The following NFYC variants were observed in gnomAD, a reference collection of about 807,000 sequenced individuals.
The protein encoded by NFYC is nuclear transcription factor Y subunit gamma.
NFYC carries 25 observed loss-of-function variants against 53.1 expected under a neutral mutation model. That is an observed-to-expected ratio of 0.47 (90% CI 0.34 to 0.66). The LOEUF (loss-of-function observed/expected upper bound fraction) is 0.66, where lower values mean the gene tolerates loss of function less well. NFYC is among the 30% of genes least tolerant of loss of function. The probability of loss-of-function intolerance (pLI) is 0.01; values close to 1 mark genes in which losing one functional copy is unlikely to be tolerated. For synonymous variants in NFYC, 145 were observed against 152.6 expected (o/e 0.95, Z 0.37); for missense variants, 260 against 422.7 (o/e 0.62, Z 3.38).
At chr1:40,757,951 T>G in intron 5 of NFYC, 170 bp from the exon 6 acceptor site, 1 of 668,816 alleles carries the variant, frequency 1.5e-6, no homozygotes, top group Non-Finnish European at 2.5e-6. Flanking sequence ...TTAGTTTGAT[T>G]TAGCATAACT....
intron 1 of NFYC, among the ~76,000 whole-genome samples, chr1:40,701,141 G>T (rs142961667): frequency 1.3e-5 from 2 of 152,238 alleles, no homozygotes; most frequent in Admixed American, 6.5e-5. Context: ...CTGTCACCCA[G>T]GCTGGAGTGC....
chr1:40,770,722 T>C lies in NFYC; in HGVS notation c.902T>C (p.Ile301Thr). 6.2e-7 allele frequency: 1 copy of C among 1,614,060 alleles called. No homozygotes were observed. The highest frequency in any genetic ancestry group is 8.5e-7 in the Non-Finnish European group (1 of 1,180,028). ...CACCCCTCGCAGCAGCTCTACCAGA[T>C]CCAGCAAGTCACCATGCCTGCGGGC... The part of the protein sequence containing the change: ...QFTDGQQLYQ[I>T]QQVTMPAGQD... The change falls in exon 10 of 10, where the codon ATC becomes ACC. Residue 301 changes from isoleucine (I) to threonine (T), a missense_variant. Physicochemically the swap from Ile to Thr is moderately conservative, Grantham distance 89 (BLOSUM62 -1). Transcript: ENST00000447388. This position sits in a 1 kb window ranked among gnomAD's most constrained non-coding sequence, Gnocchi z 5.3.
chr1:40,702,967 C>T (rs1383320505), intron 1 of NFYC, among the ~76,000 whole-genome samples: 1 of 152,080 alleles, frequency 6.6e-6, no homozygotes, highest in Non-Finnish European at 1.5e-5. Flanking sequence ...CAGGCATGTA[C>T]CAGCACGCCC....
chr1:40,738,926 A>G lies in NFYC; in HGVS notation c.83A>G (p.Glu28Gly). 1 of 1,613,696 alleles carries G rather than the reference A, an allele frequency of 6.2e-7. No homozygotes were observed. Among genetic ancestry groups the G allele is most frequent in the Non-Finnish European group, 8.5e-7 (1 of 1,179,566 alleles). ...CAGTCGTTCTGGCCTCGGGTCATGGAAGAAATCCGGAATTTAACAGTGGTG... is the reference window on the plus strand; with the variant it reads ...CAGTCGTTCTGGCCTCGGGTCATGGGAGAAATCCGGAATTTAACAGTGGTG... Reference protein sequence around the residue: ...SLQSFWPRVMEEIRNLTVKDF... With the variant: ...SLQSFWPRVMGEIRNLTVKDF... Residue 28 changes from glutamate to glycine, a missense_variant, in exon 2 of 10, where the codon GAA (glutamate) becomes GGA (glycine). Physicochemically the swap from Glu to Gly is moderately conservative, Grantham distance 98. Coordinates refer to ENST00000447388, the MANE Select transcript of NFYC (RefSeq NM_014223.5).
chr1:40,761,833 T>C (rs1461669101), intron 6 of NFYC, among the ~76,000 whole-genome samples: 5 of 152,182 alleles, frequency 3.3e-5, no homozygotes, highest in Non-Finnish European at 5.9e-5. Flanking sequence ...ATTGAGGTGA[T>C]TAATTCAAAG....
At chr1:40,768,962 TCTGA>T (rs1646955623) in intron 8 of NFYC, 1 of 173,512 alleles carries the variant, frequency 5.8e-6, no homozygotes, top group Non-Finnish European at 1.2e-5. Context: ...TACCACTTTG[TCTGA>T]CACTTTGCAG....
chr1:40,766,615 A>C lies in NFYC; in HGVS notation c.740A>C (p.Gln247Pro). The C allele has an allele frequency of 1.2e-6, 2 of 1,614,076 alleles. No homozygotes were observed. The highest frequency in any genetic ancestry group is 2.7e-5 in the African/African-American group (2 of 75,024). ...CCCTAGGTGCAGCTGAATGCCGGCC[A>C]GCTGCAGTATATCCGCTTAGCCCAG... is the stretch of plus-strand genomic sequence containing the variant. Reference protein sequence around the residue: ...QQIPVQLNAGQLQYIRLAQPV... With the variant: ...QQIPVQLNAGPLQYIRLAQPV... Residue 247 changes from glutamine (Q) to proline (P), a missense_variant, in exon 8 of 10, where the codon CAG becomes CCG. Physicochemically the swap from Gln to Pro is moderately conservative, Grantham distance 76 (BLOSUM62 -1). Transcript: ENST00000447388.
At chr1:40,747,254 A>AC (rs1487010517) in intron 2 of NFYC, among the ~76,000 whole-genome samples, 1 of 151,626 alleles carries the variant, frequency 6.6e-6, no homozygotes, top group African/African-American at 2.4e-5. Flanking sequence ...GAAAAAAAAA[A>AC]AAAAACAGAT....
chr1:40,727,927 G>A (rs1341198252), intron 1 of NFYC, among the ~76,000 whole-genome samples: 6 of 151,978 alleles, frequency 3.9e-5, no homozygotes, highest in Non-Finnish European at 8.8e-5. Context: ...GTCTATGGCA[G>A]CTGTGTCCTT....
chr1:40,739,731 A>G (rs903553407), intron 2 of NFYC, among the ~76,000 whole-genome samples: 4 of 152,256 alleles, frequency 2.6e-5, no homozygotes, highest in Non-Finnish European at 4.4e-5. Flanking sequence ...AATCAGGCAC[A>G]GTGATGAGTC....
intron 1 of NFYC, among the ~76,000 whole-genome samples, chr1:40,694,899 A>C (rs1367774807): frequency 6.6e-6 from 1 of 152,214 alleles, no homozygotes; most frequent in African/African-American, 2.4e-5. Context: ...ATGGCATCTT[A>C]TTTAATTCTT....
chr1:40,725,046 G>A (rs149070896), intron 1 of NFYC, among the ~76,000 whole-genome samples: 311 of 152,296 alleles, frequency 2.0e-3, no homozygotes, highest in Non-Finnish European at 2.5e-3. Context: ...TATTATAGTA[G>A]TGAAGACTAT....
At chr1:40,735,946 A>G (rs530783006) in intron 1 of NFYC, among the ~76,000 whole-genome samples, 12 of 152,348 alleles carry the variant, frequency 7.9e-5, no homozygotes, top group African/African-American at 2.6e-4. Flanking sequence ...CAGTACATCT[A>G]AGAGAGTAGC....
chr1:40,735,740 T>G, intron 1 of NFYC: 4 of 985,432 alleles, frequency 4.1e-6, no homozygotes, highest in Non-Finnish European at 4.8e-6. Flanking sequence ...CAGGGACCCA[T>G]GCAATAAAAG....
intron 6 of NFYC, among the ~76,000 whole-genome samples, chr1:40,760,580 G>A (rs539522724): frequency 3.3e-5 from 5 of 152,146 alleles, no homozygotes; most frequent in Admixed American, 6.5e-5. Context: ...TTAGCCGGGC[G>A]TGGTGGCGGG....
intron 1 of NFYC, among the ~76,000 whole-genome samples, chr1:40,707,344 A>G (rs1315847797): frequency 6.6e-6 from 1 of 150,994 alleles, no homozygotes; most frequent in African/African-American, 2.4e-5. Flanking sequence ...AAATACAAAA[A>G]TTAGCTGGGC....
intron 1 of NFYC, among the ~76,000 whole-genome samples, chr1:40,711,673 A>G (rs1190119500): frequency 6.6e-6 from 1 of 152,218 alleles, no homozygotes; most frequent in Non-Finnish European, 1.5e-5. Flanking sequence ...TGTATGTCAA[A>G]TGGTATTTAA....
intron 3 of NFYC, among the ~76,000 whole-genome samples, chr1:40,748,287 A>G (rs981057639): frequency 4.0e-5 from 6 of 151,612 alleles, no homozygotes; most frequent in African/African-American, 9.7e-5. Flanking sequence ...ACGTGCCATC[A>G]TGTCTGGCTT....
chr1:40,762,867 T>G (rs1212985375), intron 6 of NFYC, 21 bp from the exon 7 acceptor site: 1 of 1,551,610 alleles, frequency 6.4e-7, no homozygotes, highest in Non-Finnish European at 8.7e-7. Flanking sequence ...CACGCAGCAT[T>G]CTCATAACTC....
Sources: allele counts gnomAD v4.1 joint callset (sites outside exome capture counted in the v4.1 genomes callset), GRCh38; gene constraint gnomAD v4.1.1; non-coding constraint Gnocchi (gnomAD v3.1); transcripts MANE v1.5; gene names NCBI Gene and HGNC (gene_info 2026-07-23, HGNC 2026-07-21).